Variants in KCNJ6 observed in about 807,000 individuals in gnomAD.
KCNJ6 encodes potassium inwardly rectifying channel subfamily J member 6.
A neutral mutation model predicts 34.2 loss-of-function variants in KCNJ6; 9 were observed. The ratio of observed to expected loss-of-function variants is 0.26; its 90% CI spans 0.16 to 0.46. The LOEUF (loss-of-function observed/expected upper bound fraction) is 0.46. KCNJ6 is among the 20% of genes least tolerant of loss of function. KCNJ6 has a pLI of 1.00. For synonymous variants in KCNJ6, 196 were observed against 207.1 expected, an observed-to-expected ratio of 0.95 and a Z score of 0.46; for missense variants, 236 against 531.3, an observed-to-expected ratio of 0.44 and a Z score of 5.46.
At chr21:37,732,473 GA>G (rs1453289549) in intron 2 of KCNJ6, among the ~76,000 whole-genome samples, 1 of 152,218 alleles carries the variant, frequency 6.6e-6, no homozygotes, top group African/African-American at 2.4e-5. Flanking sequence ...CAGAATTGTG[GA>G]AAGCCAAATC....
intron 2 of KCNJ6, among the ~76,000 whole-genome samples, chr21:37,718,347 T>TTATCTCTAA (rs1432426422): frequency 2.6e-5 from 4 of 152,210 alleles, no homozygotes; most frequent in African/African-American, 7.2e-5. Context: ...AAATTGAGCC[T>TTATCTCTAA]TATCTCTAAT....
intron 2 of KCNJ6, among the ~76,000 whole-genome samples, chr21:37,817,717 G>T (rs186149543): frequency 4.9e-4 from 74 of 152,272 alleles, no homozygotes; most frequent in African/African-American, 1.8e-3. Context: ...TGCTGTTGTT[G>T]CCGTTGTTTT....
intron 2 of KCNJ6, among the ~76,000 whole-genome samples, chr21:37,727,055 C>G (rs2054858531): frequency 6.6e-6 from 1 of 152,138 alleles, no homozygotes; most frequent in South Asian, 2.1e-4. Flanking sequence ...GGAGAAGCAG[C>G]CAGATAAAGA....
chr21:37,801,719 GGC>G (rs1160152023), intron 2 of KCNJ6, among the ~76,000 whole-genome samples: 1 of 145,134 alleles, frequency 6.9e-6, no homozygotes, highest in African/African-American at 2.5e-5. Context: ...TCCCCTCCTA[GGC>G]AGCACTGTGA....
chr21:37,663,028 G>T (rs968142125), intron 3 of KCNJ6, among the ~76,000 whole-genome samples: 1 of 151,960 alleles, frequency 6.6e-6, no homozygotes, highest in Non-Finnish European at 1.5e-5. Context: ...AGGTCTGAGA[G>T]GGTGATTAAA....
chr21:37,697,564 C>T (rs1331913097), intron 3 of KCNJ6, among the ~76,000 whole-genome samples: 1 of 152,170 alleles, frequency 6.6e-6, no homozygotes, highest in Non-Finnish European at 1.5e-5. Context: ...TGCCTATCAG[C>T]TGGATAGGAA....
At chr21:37,676,478 T>A (rs554168133) in intron 3 of KCNJ6, among the ~76,000 whole-genome samples, 1 of 152,286 alleles carries the variant, frequency 6.6e-6, no homozygotes, top group South Asian at 2.1e-4. Flanking sequence ...CAGTGCCTTG[T>A]GGAAGGGACA....
intron 3 of KCNJ6, among the ~76,000 whole-genome samples, chr21:37,641,201 T>C (rs1213046901): frequency 6.6e-6 from 1 of 152,240 alleles, no homozygotes; most frequent in Non-Finnish European, 1.5e-5. Context: ...GAGCTCTGTC[T>C]TGGCCACAAT....
Position 37,853,835 on chromosome 21 carries a change from C to CATATAT in KCNJ6, c.-27-13132_-27-13127dup, listed in dbSNP as rs1555850305. Among the ~76,000 whole-genome samples the CATATAT allele has an allele frequency of 1.3e-3, 55 of 43,234 alleles. 1 individual carries two copies. The highest frequency in any genetic ancestry group is 9.0e-3 in the African/African-American group (51 of 5,670). The allele number at this position is 43,234 out of a possible 152,430, so 28.4% of individuals were successfully genotyped here. A position where few individuals can be genotyped will look rare whatever the true frequency, so the allele number is the denominator to read the frequency against. On this transcript the variant is annotated intron_variant, in intron 1 of 3. Transcript: ENST00000609713. The stretch of plus-strand genomic sequence containing the variant: ...TATTAACAGCAGTAGTTAAGAGATA[C>CATATAT]ATATATATATGTATATATATATATA...
intron 1 of KCNJ6, among the ~76,000 whole-genome samples, chr21:37,905,741 C>T (rs752813275): frequency 1.3e-5 from 2 of 152,168 alleles, no homozygotes; most frequent in Non-Finnish European, 2.9e-5. Flanking sequence ...AAGTTTAAGG[C>T]CTCTGGGAAC....
At chr21:37,709,995 A>G (rs973207014) in intron 3 of KCNJ6, among the ~76,000 whole-genome samples, 2 of 150,906 alleles carry the variant, frequency 1.3e-5, no homozygotes, top group African/African-American at 4.9e-5. Flanking sequence ...TTCATCCTCC[A>G]CTCTCCCCAG....
chr21:37,731,186 C>T (rs2054883097), intron 2 of KCNJ6, among the ~76,000 whole-genome samples: 1 of 151,992 alleles, frequency 6.6e-6, no homozygotes, highest in Admixed American at 6.6e-5. Flanking sequence ...AGAATCTTGC[C>T]TCACTCCTGT....
intron 2 of KCNJ6, among the ~76,000 whole-genome samples, chr21:37,810,278 A>C (rs1268639928): frequency 1.3e-5 from 2 of 152,218 alleles, no homozygotes; most frequent in Non-Finnish European, 2.9e-5. Context: ...CCATTGAATG[A>C]TTATACCATA....
chr21:37,778,902 T>C (rs2055156235), intron 2 of KCNJ6, among the ~76,000 whole-genome samples: 3 of 152,042 alleles, frequency 2.0e-5, no homozygotes, highest in East Asian at 1.9e-4. Flanking sequence ...CAGCCCTTTT[T>C]TTCTCTGAAT....
At chr21:37,632,882 C>A (rs1035607107) in intron 3 of KCNJ6, among the ~76,000 whole-genome samples, 2 of 152,068 alleles carry the variant, frequency 1.3e-5, no homozygotes, top group Non-Finnish European at 1.5e-5. Flanking sequence ...AAAGCCCAGA[C>A]AATCTTAAAG....
intron 2 of KCNJ6, among the ~76,000 whole-genome samples, chr21:37,741,462 T>C (rs946482330): frequency 1.3e-5 from 2 of 152,314 alleles, no homozygotes; most frequent in African/African-American, 4.8e-5. Flanking sequence ...CCTACAACCA[T>C]AGTCCCACTC....
chr21:37,730,091 G>A (rs2054876546), intron 2 of KCNJ6, among the ~76,000 whole-genome samples: 1 of 152,206 alleles, frequency 6.6e-6, no homozygotes, highest in Non-Finnish European at 1.5e-5. Flanking sequence ...AGGGACTGTG[G>A]AGTTGGTGGT....
At chr21:37,780,697 T>C (rs947933361) in intron 2 of KCNJ6, among the ~76,000 whole-genome samples, 12 of 152,210 alleles carry the variant, frequency 7.9e-5, no homozygotes, top group African/African-American at 2.7e-4. Flanking sequence ...TTTATTTAAT[T>C]GTACATTTTA....
At position 37,675,335 on chromosome 21, in the gene KCNJ6, T is replaced by C. The variant is rs2054559796; in HGVS notation, c.946+38876A>G. 6.6e-6 allele frequency among the ~76,000 whole-genome samples: 1 copy of C among 152,228 alleles called. No individual in the cohort carries two copies. Among genetic ancestry groups the C allele is most frequent in the African/African-American group, 2.4e-5 (1 of 41,464 alleles). On this transcript the variant is annotated intron_variant, in intron 3 of 3. Transcript: ENST00000609713. The surrounding 1 kb of genome is among the most constrained non-coding windows in gnomAD (Gnocchi z 4.2). The stretch of plus-strand genomic sequence containing the variant: ...AAGGAATCAAGTTGGCGGGGATTTT[T>C]CCGCGAGTGGCTGCATTGGCTTTAA...
Sources: gnomAD v4.1 joint callset for allele counts (sites outside exome capture counted in the v4.1 genomes callset) on GRCh38, gnomAD v4.1.1 for gene constraint, Gnocchi (gnomAD v3.1) non-coding constraint, MANE v1.5 for transcripts, NCBI Gene and HGNC (gene_info 2026-07-23, HGNC 2026-07-21) for gene names.